Variants in C17orf67 observed in about 807,000 individuals in gnomAD.
C17orf67 encodes chromosome 17 open reading frame 67, also known as uncharacterized protein C17orf67.
Under a neutral mutation model 11.2 loss-of-function variants are expected in C17orf67, and 12 were observed. That is an observed-to-expected ratio of 1.07 (90% CI 0.68 to 1.73). The LOEUF (loss-of-function observed/expected upper bound fraction) is 1.73, where lower values mean the gene tolerates loss of function less well. Among genes scored for constraint, C17orf67 ranks in the 40% most tolerant of loss-of-function variants. The pLI is 0.00. For synonymous variants in C17orf67, 59 were observed against 46.9 expected, an observed-to-expected ratio of 1.26 and a Z score of -1.05; for missense variants, 115 against 113.5, an observed-to-expected ratio of 1.01 and a Z score of -0.06.
chr17:56,809,625 CCACA>C (rs903760732), intron 6 of C17orf67, among the ~76,000 whole-genome samples: 1 of 139,968 alleles, frequency 7.1e-6, no homozygotes, highest in Admixed American at 7.1e-5. Context: ...GCACACACAC[CCACA>C]CACACACCCT....
intron 6 of C17orf67, among the ~76,000 whole-genome samples, chr17:56,810,051 CCTCA>C (rs1597992754): frequency 9.2e-6 from 1 of 108,410 alleles, no homozygotes; most frequent in East Asian, 2.2e-4. Flanking sequence ...CACACACACC[CCTCA>C]CACACCCCTC....
chr17:56,826,979 C>T (rs1182412525), intron 2 of C17orf67, among the ~76,000 whole-genome samples: 1 of 152,240 alleles, frequency 6.6e-6, no homozygotes, highest in Non-Finnish European at 1.5e-5. Flanking sequence ...AGGCCTGGCG[C>T]TCTGCACAAG....
At position 56,801,669 on chromosome 17, in the gene C17orf67, C is replaced by T. The variant is rs140567219; in HGVS notation, c.157-6489G>A. On this transcript the variant is annotated intron_variant, in intron 6 of 7. Transcript: ENST00000397861. ...TAGAGGGCAGATGGTGAGAGGGCTC[C>T]TTGTGGGATCCAACAGTGATTCCCT... 2.9e-3 allele frequency among the ~76,000 whole-genome samples: 443 copies of T among 152,280 alleles called. 2 individuals are homozygous for T. The highest frequency in any genetic ancestry group is 0.01 in the African/African-American group (433 of 41,562).
In C17orf67 at chr17:56,805,971, CT is replaced by C. The variant is rs10684052; in HGVS notation, c.156+8897del. Among the ~76,000 whole-genome samples, 384 of 98,002 alleles carry C rather than the reference CT, an allele frequency of 3.9e-3. 3 individuals carry two copies. Among genetic ancestry groups the C allele is most frequent in the Non-Finnish European group, 5.6e-3 (297 of 52,820 alleles). The allele number at this position is 98,002 out of a possible 152,430, so 64.3% of individuals were successfully genotyped here. On this transcript the variant is annotated intron_variant, in intron 6 of 7. Coordinates refer to ENST00000397861, the MANE Select transcript of C17orf67 (RefSeq NM_001085430.4). Reference sequence around the variant, plus strand: ...AGGGACAGGACTACAGTTGATTTTCCTTTTTTTTTTTTTTTTTTTTTGAGAC... The same window carrying C: ...AGGGACAGGACTACAGTTGATTTTCCTTTTTTTTTTTTTTTTTTTTGAGAC...
chr17:56,825,985 C>T (rs1384910757), intron 2 of C17orf67, among the ~76,000 whole-genome samples: 1 of 151,746 alleles, frequency 6.6e-6, no homozygotes, highest in Non-Finnish European at 1.5e-5. Context: ...GACGGAGTCT[C>T]GCTCTGTCAC....
chr17:56,794,852 G>A (rs1223531261), intron 7 of C17orf67, among the ~76,000 whole-genome samples, 192 bp downstream of exon 7: 1 of 151,566 alleles, frequency 6.6e-6, no homozygotes, highest in East Asian at 1.9e-4. Flanking sequence ...TCCCCCATTT[G>A]TCCCCCAGTG....
At chr17:56,794,083 C>T (rs1354597884) in intron 7 of C17orf67, among the ~76,000 whole-genome samples, 3 of 152,152 alleles carry the variant, frequency 2.0e-5, no homozygotes, top group Non-Finnish European at 4.4e-5. Flanking sequence ...ACTGCTTAGC[C>T]TGAGTTAGTA....
chr17:56,825,292 A>T lies in C17orf67; in HGVS notation c.-527T>A, dbSNP rs930321079. The T allele has an allele frequency of 2.6e-5, 4 of 152,352 alleles. No homozygotes were observed. Among genetic ancestry groups the T allele is most frequent in the African/African-American group, 9.6e-5 (4 of 41,580 alleles). 9.4% of individuals were successfully genotyped at this position (152,352 alleles called of 1,614,324 possible). On this transcript the variant is annotated 5_prime_UTR_variant, in exon 3 of 8. Transcript: ENST00000397861. ...AAAGCCCCAACTCAGTTGACTCCTG[A>T]CTGTGTGATATCAAGCAGGTTTTCT... is the stretch of plus-strand genomic sequence containing the variant.
At chr17:56,821,170 C>T (rs999150464) in intron 4 of C17orf67, among the ~76,000 whole-genome samples, 14 of 151,990 alleles carry the variant, frequency 9.2e-5, no homozygotes, top group African/African-American at 4.8e-5. Flanking sequence ...TAATCCTACC[C>T]CCTTGGCCTC....
intron 6 of C17orf67, among the ~76,000 whole-genome samples, chr17:56,800,134 C>T (rs571507154): frequency 4.8e-5 from 7 of 146,954 alleles, no homozygotes; most frequent in African/African-American, 1.8e-4. Flanking sequence ...GGCGCCATCG[C>T]GGCTCACTGC....
chr17:56,810,165 TCA>T (rs768140977), intron 6 of C17orf67, among the ~76,000 whole-genome samples: 14 of 76,254 alleles, frequency 1.8e-4, no homozygotes, highest in South Asian at 5.4e-4. Flanking sequence ...CACCCCCACC[TCA>T]CACACACTCC....
chr17:56,823,382 A>T (rs556258891), intron 4 of C17orf67, among the ~76,000 whole-genome samples: 2 of 152,286 alleles, frequency 1.3e-5, no homozygotes, highest in Middle Eastern at 3.4e-3. Context: ...TCTGACATGA[A>T]AAGTAAAGAC....
intron 4 of C17orf67, among the ~76,000 whole-genome samples, chr17:56,819,360 T>C (rs767980124): frequency 6.6e-6 from 1 of 152,216 alleles, no homozygotes; most frequent in Non-Finnish European, 1.5e-5. Flanking sequence ...AAAAGTTCCC[T>C]GCCCCCACCA....
intron 6 of C17orf67, among the ~76,000 whole-genome samples, chr17:56,799,369 TATGC>T (rs1905269813): frequency 6.6e-6 from 1 of 152,380 alleles, no homozygotes; most frequent in African/African-American, 2.4e-5. Flanking sequence ...TCTTTAGTAA[TATGC>T]ATTTAAGTTT....
intron 2 of C17orf67, among the ~76,000 whole-genome samples, chr17:56,828,635 A>C (rs1414125437): frequency 6.6e-6 from 1 of 152,232 alleles, no homozygotes; most frequent in Non-Finnish European, 1.5e-5. Context: ...CCCACTACCC[A>C]GGTTAACATA....
At chr17:56,796,317 T>C (rs957712117) in intron 6 of C17orf67, among the ~76,000 whole-genome samples, 1 of 152,220 alleles carries the variant, frequency 6.6e-6, no homozygotes, top group Non-Finnish European at 1.5e-5. Context: ...AATGAGTGGA[T>C]AAATAAAATA....
intron 6 of C17orf67, among the ~76,000 whole-genome samples, chr17:56,813,711 C>T (rs1567797114): frequency 6.6e-6 from 1 of 152,074 alleles, no homozygotes; most frequent in Non-Finnish European, 1.5e-5. Flanking sequence ...CTAGCAGGTA[C>T]CAGGTACTTA....
chr17:56,810,066 A>C, intron 6 of C17orf67, among the ~76,000 whole-genome samples: 2 of 71,364 alleles, frequency 2.8e-5, no homozygotes, highest in Non-Finnish European at 6.4e-5. Flanking sequence ...CACACCCCTC[A>C]CACTTCTGAC....
At chr17:56,824,272 T>C (rs1345277666) in intron 4 of C17orf67, among the ~76,000 whole-genome samples, 1 of 152,244 alleles carries the variant, frequency 6.6e-6, no homozygotes, top group African/African-American at 2.4e-5. Context: ...TTGCACACAC[T>C]GGCTTGCCCT....
Sources: gnomAD v4.1 joint callset for allele counts (sites outside exome capture counted in the v4.1 genomes callset) on GRCh38, gnomAD v4.1.1 for gene constraint, MANE v1.5 for transcripts, NCBI Gene and HGNC (gene_info 2026-07-23, HGNC 2026-07-21) for gene names.